Variants in STK39 observed in about 807,000 individuals in gnomAD.
STK39 encodes the protein serine/threonine kinase 39.
A neutral mutation model predicts 77.8 loss-of-function variants in STK39; 20 were observed. That is an observed-to-expected ratio of 0.26 (90% CI 0.18 to 0.37). STK39 has a LOEUF of 0.37. STK39 is among the 10% of genes least tolerant of loss of function. STK39 has a pLI of 1.00. For missense variants in STK39, 479 were observed against 656.5 expected (o/e 0.73, Z 2.95); for synonymous variants, 246 against 234.1 (o/e 1.05, Z -0.47).
chr2:168,156,277 A>G (rs1410379116), intron 5 of STK39, among the ~76,000 whole-genome samples: 1 of 152,212 alleles, frequency 6.6e-6, no homozygotes, highest in East Asian at 1.9e-4. Context: ...ATTTCAAGTC[A>G]CAGCAGAAAG....
chr2:168,243,608 G>A (rs1262686932), intron 1 of STK39, among the ~76,000 whole-genome samples: 1 of 152,190 alleles, frequency 6.6e-6, no homozygotes, highest in Non-Finnish European at 1.5e-5. Context: ...GCTGAGGCAG[G>A]AGTCTAGGGT....
chr2:167,960,970 AT>A (rs1691939986), intron 17 of STK39, among the ~76,000 whole-genome samples: 1 of 152,126 alleles, frequency 6.6e-6, no homozygotes, highest in South Asian at 2.1e-4. Flanking sequence ...GGGTCTCAGA[AT>A]TTACATTGTA....
chr2:168,001,441 C>A (rs1382647053), intron 16 of STK39, among the ~76,000 whole-genome samples: 1 of 151,806 alleles, frequency 6.6e-6, no homozygotes, highest in Non-Finnish European at 1.5e-5. Flanking sequence ...TTTTACACAA[C>A]CTTTTGGATG....
chr2:167,982,738 G>A (rs1683452537), intron 16 of STK39, among the ~76,000 whole-genome samples: 1 of 152,122 alleles, frequency 6.6e-6, no homozygotes, highest in African/African-American at 2.4e-5. Context: ...GGGAGTACCT[G>A]GTAGCCAAGA....
At chr2:168,148,707 T>A (rs149165770) in intron 5 of STK39, among the ~76,000 whole-genome samples, 2 of 152,308 alleles carry the variant, frequency 1.3e-5, no homozygotes, top group South Asian at 2.1e-4. Flanking sequence ...AGAGGCCAGA[T>A]AGCAACGTGT....
chr2:168,063,436 G>A (rs1317974237), intron 14 of STK39, 64 bp downstream of exon 14: 13 of 1,401,628 alleles, frequency 9.3e-6, no homozygotes, highest in Middle Eastern at 1.8e-4. Flanking sequence ...AAAGGTTAAC[G>A]AAGGAGATTT....
At chr2:168,091,657 T>G (rs1302993568) in intron 10 of STK39, among the ~76,000 whole-genome samples, 1 of 152,196 alleles carries the variant, frequency 6.6e-6, no homozygotes, top group Non-Finnish European at 1.5e-5. Flanking sequence ...AACTTTCTCT[T>G]CTTCTTGGCT....
intron 1 of STK39, among the ~76,000 whole-genome samples, chr2:168,240,771 T>C (rs186639764): frequency 6.6e-6 from 1 of 152,140 alleles, no homozygotes; most frequent in African/African-American, 2.4e-5. Context: ...CCCTCAGCAT[T>C]TGATGTGGTA....
intron 1 of STK39, among the ~76,000 whole-genome samples, chr2:168,213,222 A>T (rs1176192351): frequency 6.6e-6 from 1 of 152,250 alleles, no homozygotes; most frequent in Non-Finnish European, 1.5e-5. Flanking sequence ...GAGAAATACT[A>T]AGTGCTAGAG....
chr2:168,077,814 C>T (rs962825498), intron 10 of STK39, among the ~76,000 whole-genome samples: 24 of 151,504 alleles, frequency 1.6e-4, no homozygotes, highest in Non-Finnish European at 3.2e-4. Context: ...TGAGAAACAA[C>T]TTTTATCTTT....
chr2:168,243,249 C>T (rs1029184137), intron 1 of STK39, among the ~76,000 whole-genome samples: 1 of 152,164 alleles, frequency 6.6e-6, no homozygotes, highest in Non-Finnish European at 1.5e-5. Context: ...GAGCACAGAG[C>T]AAAGTGGGAA....
intron 16 of STK39, among the ~76,000 whole-genome samples, chr2:167,989,820 C>G (rs905905022): frequency 1.3e-5 from 2 of 151,948 alleles, no homozygotes; most frequent in African/African-American, 4.8e-5. Context: ...AAAGAAAACA[C>G]ATCAATCACC....
chr2:167,992,410 A>C, intron 16 of STK39, among the ~76,000 whole-genome samples: 1 of 152,106 alleles, frequency 6.6e-6, no homozygotes, highest in East Asian at 1.9e-4. Context: ...TATAGCAAAA[A>C]CCTGAAGAAA....
At chr2:168,215,886 C>T (rs1384904737) in intron 1 of STK39, among the ~76,000 whole-genome samples, 1 of 152,180 alleles carries the variant, frequency 6.6e-6, no homozygotes, top group Non-Finnish European at 1.5e-5. Flanking sequence ...AAAGCCACCT[C>T]TCAAGTGCAC....
chr2:168,023,836 G>A (rs567130706), intron 14 of STK39, among the ~76,000 whole-genome samples: 12 of 152,268 alleles, frequency 7.9e-5, no homozygotes, highest in African/African-American at 2.9e-4. Context: ...ACCACCAAGG[G>A]TCTCTGTAAG....
At chr2:168,225,353 G>A (rs920480718) in intron 1 of STK39, among the ~76,000 whole-genome samples, 1 of 150,878 alleles carries the variant, frequency 6.6e-6, no homozygotes, top group African/African-American at 2.4e-5. Flanking sequence ...AATATCCATG[G>A]AGAAGATACT....
chr2:168,175,624 A>G (rs933561819), intron 2 of STK39, among the ~76,000 whole-genome samples: 1 of 152,220 alleles, frequency 6.6e-6, no homozygotes, highest in Non-Finnish European at 1.5e-5. Context: ...TTAGTGCTCT[A>G]AAAATGTTAG....
At chr2:168,038,303 T>C (rs1344357363) in intron 14 of STK39, among the ~76,000 whole-genome samples, 1 of 152,110 alleles carries the variant, frequency 6.6e-6, no homozygotes, top group African/African-American at 2.4e-5. Context: ...ATAAAACTTA[T>C]TACAAATGTT....
chr2:168,101,562 A>G (rs541622214), intron 10 of STK39, among the ~76,000 whole-genome samples: 72 of 151,982 alleles, frequency 4.7e-4, no homozygotes, highest in African/African-American at 1.6e-3. Context: ...ACATGGTGAA[A>G]CCCCATCTCT....
Sources: allele counts gnomAD v4.1 joint callset (sites outside exome capture counted in the v4.1 genomes callset), GRCh38; gene constraint gnomAD v4.1.1; transcripts MANE v1.5; gene names NCBI Gene and HGNC (gene_info 2026-07-23, HGNC 2026-07-21).